The following SPAG4 variants were observed in gnomAD, a reference collection of about 807,000 sequenced individuals.
SPAG4 encodes sperm associated antigen 4.
Under a neutral mutation model 53.9 loss-of-function variants are expected in SPAG4, and 54 were observed. That is an observed-to-expected ratio of 1.00 (90% CI 0.80 to 1.26). The LOEUF is 1.26. Ranked by LOEUF, SPAG4 falls within the 50% of genes most tolerant of loss-of-function variation. The pLI is 0.00. For missense variants in SPAG4, 548 were observed against 568.6 expected (o/e 0.96, Z 0.37); for synonymous variants, 246 against 237.4 (o/e 1.04, Z -0.33).
Position 35,617,842 on chromosome 20 carries a change from T to C in SPAG4, c.538+2T>C, listed in dbSNP as rs1057210964. The C allele has an allele frequency of 6.2e-7, 1 of 1,613,974 alleles. No homozygotes were observed. Among genetic ancestry groups the C allele is most frequent in the Non-Finnish European group, 8.5e-7 (1 of 1,179,856 alleles). ...CGCTGCTGAGCCTCTTTCTGTCAGG[T>C]GAGGGGCAGTGAATTCCCTGGAGCC... On this transcript the variant is annotated splice_donor_variant, in intron 4 of 11. Coordinates refer to ENST00000374273, the MANE Select transcript of SPAG4 (RefSeq NM_003116.3). LOFTEE classifies it high-confidence loss of function.
Position 35,616,053 on chromosome 20 carries a change from C to T in SPAG4, c.50C>T (p.Thr17Met), listed in dbSNP as rs1289786707. The change falls in exon 1 of 12, where the codon ACG (threonine) becomes ATG (methionine). Residue 17 changes from threonine (T) to methionine (M), a missense_variant. Physicochemically the swap from Thr to Met is moderately conservative, Grantham distance 81. Transcript: ENST00000374273. ...PGSASSSRKH[T>M]PNFFSENSSM... Reference sequence around the variant, plus strand: ...TCGGCCTCGTCCTCGCGCAAGCACACGCCCAACTTTTTCAGCGAGAACAGC... The same window carrying T: ...TCGGCCTCGTCCTCGCGCAAGCACATGCCCAACTTTTTCAGCGAGAACAGC... The T allele has an allele frequency of 1.2e-6, 2 of 1,612,640 alleles. No homozygotes were observed. The highest frequency in any genetic ancestry group is 2.2e-5 in the East Asian group (1 of 44,830).
intron 1 of SPAG4, 70 bp from the exon 2 acceptor site, chr20:35,617,066 C>A: frequency 6.9e-6 from 7 of 1,007,754 alleles, no homozygotes; most frequent in Non-Finnish European, 9.1e-6. Flanking sequence ...GAGCAATCTG[C>A]GGCCCGGTCT....
chr20:35,616,645 T>G (rs2031392488), intron 1 of SPAG4, among the ~76,000 whole-genome samples: 1 of 151,568 alleles, frequency 6.6e-6, no homozygotes, highest in Non-Finnish European at 1.5e-5. Context: ...TTTTTTTTTT[T>G]TTTTGCAACG....
At chr20:35,619,360 A>C in intron 9 of SPAG4, 50 bp downstream of exon 9, 1 of 1,557,662 alleles carries the variant, frequency 6.4e-7, no homozygotes, top group Non-Finnish European at 8.9e-7. Context: ...ACGCTGGGAA[A>C]AGCACCAAAA....
At chr20:35,617,031 T>G in intron 1 of SPAG4, 105 bp from the exon 2 acceptor site, 3 of 741,828 alleles carry the variant, frequency 4.0e-6, no homozygotes, top group Non-Finnish European at 6.9e-6. Flanking sequence ...TGTGAGAGAC[T>G]TCCCAGCTGT....
Position 35,619,756 on chromosome 20 carries a change from G to A in SPAG4, c.1077+10G>A. ...CGATTTCGCGGTCTTTGTGAGTGCG[G>A]ACGAGGTCAGGAGGTGGGGGATTTT... On this transcript the variant is annotated intron_variant, in intron 10 of 11. Coordinates refer to ENST00000374273, the MANE Select transcript of SPAG4 (RefSeq NM_003116.3). The A allele has an allele frequency of 1.2e-6, 2 of 1,602,732 alleles. No homozygotes were observed. The highest frequency in any genetic ancestry group is 1.7e-6 in the Non-Finnish European group (2 of 1,172,406).
rs1334426370 is a variant in SPAG4, at chr20:35,619,664, G to C, written c.995G>C (p.Ser332Thr). ...CAACTGCCGGGCCGAGTGCAGCTGA[G>C]CGACATCACTCTGCAGCATCCACCG... Reference protein sequence around the residue: ...VIQLPGRVQLSDITLQHPPPS... With the variant: ...VIQLPGRVQLTDITLQHPPPS... Residue 332 changes from serine (S) to threonine (T), a missense_variant, in exon 10 of 12, where the codon AGC (serine) becomes ACC (threonine). By Grantham distance (58) the Ser-to-Thr change is moderately conservative. Coordinates refer to ENST00000374273, the MANE Select transcript of SPAG4 (RefSeq NM_003116.3). The C allele has an allele frequency of 1.2e-5, 20 of 1,614,070 alleles. No homozygotes were observed. The highest frequency in any genetic ancestry group is 1.7e-5 in the Non-Finnish European group (20 of 1,180,034).
At chr20:35,617,734 G>C in intron 3 of SPAG4, 45 bp from the exon 4 acceptor site, 2 of 1,594,126 alleles carry the variant, frequency 1.3e-6, no homozygotes, top group Non-Finnish European at 1.7e-6. Context: ...GTGGGGACTG[G>C]AGGGTTGAGC....
chr20:35,618,341 G>GA, intron 5 of SPAG4, 109 bp from the exon 6 acceptor site: 1 of 1,418,018 alleles, frequency 7.1e-7, no homozygotes, highest in Non-Finnish European at 9.8e-7. Flanking sequence ...AGGAGTCGAG[G>GA]AAAGGGGACA....
At chr20:35,619,785 T>C in intron 10 of SPAG4, 39 bp downstream of exon 10, 2 of 1,580,604 alleles carry the variant, frequency 1.3e-6, no homozygotes, top group Non-Finnish European at 1.7e-6. Context: ...GGATTTTGCC[T>C]AGAGAGCCCA....
At position 35,619,149 on chromosome 20, in the gene SPAG4, C is replaced by T. The variant is rs775015814; in HGVS notation, c.794-46C>T. On this transcript the variant is annotated intron_variant, in intron 8 of 11. Coordinates refer to ENST00000374273, the MANE Select transcript of SPAG4 (RefSeq NM_003116.3). ...CCCCCGCGCCCCCGCGCCCCGACTC[C>T]CGGCAAGGCCTGGGAGCCTCTGAGG... is the stretch of plus-strand genomic sequence containing the variant. The T allele has an allele frequency of 2.1e-6, 3 of 1,444,128 alleles. No homozygotes were observed. The South Asian group carries it at 3.5e-5, about 17-fold the overall frequency. The allele number at this position is 1,444,128 out of a possible 1,614,324, so 89.5% of individuals were successfully genotyped here.
chr20:35,615,854 C>A lies in SPAG4; in HGVS notation c.-150C>A. 1.5e-6 allele frequency: 1 copy of A among 666,950 alleles called. No individual in the cohort carries two copies. Among genetic ancestry groups the A allele is most frequent in the Non-Finnish European group, 2.4e-6 (1 of 415,212 alleles). 41.3% of individuals were successfully genotyped at this position (666,950 alleles called of 1,614,324 possible). The stretch of plus-strand genomic sequence containing the variant: ...GTGACGTCAGCAGCCGGCCGGGACA[C>A]AGCGGGAGGGCAGGTGCGGCCGCGG... On this transcript the variant is annotated 5_prime_UTR_variant, in exon 1 of 12. Coordinates refer to ENST00000374273, the MANE Select transcript of SPAG4 (RefSeq NM_003116.3).
chr20:35,618,348 GAC>G, intron 5 of SPAG4, 100 bp from the exon 6 acceptor site: 1 of 1,455,006 alleles, frequency 6.9e-7, no homozygotes, highest in African/African-American at 1.4e-5. Flanking sequence ...GAGGAAAGGG[GAC>G]ACAGTCTTCA....
chr20:35,620,992 G>A lies in SPAG4; in HGVS notation c.1284G>A (p.Gly428=). 1 of 1,614,160 alleles carries A rather than the reference G, an allele frequency of 6.2e-7. No homozygotes were observed. The highest frequency in any genetic ancestry group is 8.5e-7 in the Non-Finnish European group (1 of 1,180,022). The change falls in exon 12 of 12, where the codon GGG becomes GGA. Residue 428 remains glycine (G), a synonymous_variant. Coordinates refer to ENST00000374273, the MANE Select transcript of SPAG4 (RefSeq NM_003116.3). ...CCCACGGTGTGCGAACCTCAGAGGG[G>A]GCAGAGGGCAGTGCACAGGGGCCCC... The part of the protein sequence containing the change: ...VRAHGVRTSE[G]AEGSAQGPH
At chr20:35,620,621 T>TGGC in intron 10 of SPAG4, 63 bp from the exon 11 acceptor site, 3 of 510,084 alleles carry the variant, frequency 5.9e-6, no homozygotes, top group African/African-American at 2.4e-5. Flanking sequence ...AGTTTTCTTC[T>TGGC]CCCCGCCCCC....
rs879127747 is a variant in SPAG4, at chr20:35,619,667, A to G, written c.998A>G (p.Asp333Gly). ...IQLPGRVQLS[D>G]ITLQHPPPSV... is the part of the protein sequence containing the mutation. ...CTGCCGGGCCGAGTGCAGCTGAGCG[A>G]CATCACTCTGCAGCATCCACCGCCC... The change falls in exon 10 of 12, where the codon GAC becomes GGC. Residue 333 changes from aspartate (D) to glycine (G), a missense_variant. Physicochemically the swap from Asp to Gly is moderately conservative, Grantham distance 94. Transcript: ENST00000374273. The G allele has an allele frequency of 3.1e-6, 5 of 1,613,884 alleles. No homozygotes were observed. The South Asian group carries it at 5.5e-5, about 18-fold the overall frequency.
intron 7 of SPAG4, 84 bp downstream of exon 7, chr20:35,618,804 G>A: frequency 7.0e-7 from 1 of 1,438,660 alleles, no homozygotes; most frequent in Non-Finnish European, 9.6e-7. Flanking sequence ...GAGCCCTGCG[G>A]GATTTCTCCC....
intron 8 of SPAG4, 97 bp downstream of exon 8, chr20:35,619,095 A>G: frequency 7.2e-7 from 1 of 1,384,484 alleles, no homozygotes. Flanking sequence ...CCGAAGACAG[A>G]GCCTCGGACA....
At chr20:35,616,633 CT>C (rs11476679) in intron 1 of SPAG4, among the ~76,000 whole-genome samples, 30,964 of 128,760 alleles carry the variant, frequency 0.24, 3,635 homozygotes, top group African/African-American at 0.38. Flanking sequence ...GGGACCAACT[CT>C]TTTTTTTTTT....
Sources: allele counts gnomAD v4.1 joint callset (sites outside exome capture counted in the v4.1 genomes callset), GRCh38; gene constraint gnomAD v4.1.1; transcripts MANE v1.5; gene names NCBI Gene and HGNC (gene_info 2026-07-23, HGNC 2026-07-21).